APBA2: variants seen among roughly 807,000 people sequenced by gnomAD.
APBA2 encodes the protein amyloid beta precursor protein binding family A member 2.
In APBA2, 30 loss-of-function variants were observed where a neutral mutation model predicts 75.0. The observed-to-expected ratio is 0.40, with a 90% CI of 0.30 to 0.54. The LOEUF (loss-of-function observed/expected upper bound fraction) is 0.54. APBA2 is among the 20% of genes least tolerant of loss of function. The pLI is 0.49. For missense variants in APBA2, 801 were observed against 1,016.1 expected (o/e 0.79, Z 2.88); for synonymous variants, 444 against 409.6 (o/e 1.08, Z -1.01).
rs555399492 is a variant in APBA2 at position 29,102,884 on chromosome 15, C to T, written c.1524+1100C>T. On this transcript the variant is annotated intron_variant, in intron 10 of 14. Transcript: ENST00000683413. ...GGTCCCCATATTGTCATGATCCTGA[C>T]ATACAGCATGGAAACTGAAGACAGG... 2.0e-5 allele frequency: 3 copies of T among 152,314 alleles called. 1 individual carries two copies. In the South Asian group the frequency reaches 6.2e-4, roughly 32 times the overall value. The allele number at this position is 152,314 out of a possible 1,614,324, so 9.4% of individuals were successfully genotyped here. A position where few individuals can be genotyped will look rare whatever the true frequency, so the allele number is the denominator to read the frequency against.
At chr15:28,972,978 G>C (rs1026663110) in intron 2 of APBA2, among the ~76,000 whole-genome samples, 16 of 152,152 alleles carry the variant, frequency 1.1e-4, no homozygotes, top group African/African-American at 3.9e-4. Flanking sequence ...CATTACTTAT[G>C]CTTTAATAAA....
At chr15:28,955,785 G>A (rs1246240286) in intron 2 of APBA2, among the ~76,000 whole-genome samples, 1 of 152,244 alleles carries the variant, frequency 6.6e-6, no homozygotes. Flanking sequence ...GGCCTTGGTG[G>A]GTTCCCTGAG....
rs550724619 is a variant in APBA2 at position 29,018,422 on chromosome 15, C to T, written c.-41+22616C>T. On this transcript the variant is annotated intron_variant, in intron 3 of 14. Transcript: ENST00000683413. Reference sequence around the variant, plus strand: ...TTGCAGATTGGGAGGAATTATATATCCCTACAGAGACTTCAGTGAATGAAG... The same window carrying T: ...TTGCAGATTGGGAGGAATTATATATTCCTACAGAGACTTCAGTGAATGAAG... Among the ~76,000 whole-genome samples the T allele has an allele frequency of 2.0e-5, 3 of 152,294 alleles. 1 individual carries two copies. In the South Asian group the frequency reaches 6.2e-4, roughly 32 times the overall value.
At chr15:29,036,231 A>T (rs534320117) in intron 3 of APBA2, among the ~76,000 whole-genome samples, 39 of 142,118 alleles carry the variant, frequency 2.7e-4, no homozygotes, top group South Asian at 9.0e-4. Context: ...ATATATATAT[A>T]TTTTTTGTCT....
At position 29,054,351 on chromosome 15, in the gene APBA2, G is replaced by A. The variant is rs1566951594; in HGVS notation, c.467G>A (p.Gly156Asp). The change falls in exon 4 of 15, where the codon GGC becomes GAC. Residue 156 changes from glycine (G) to aspartate (D), a missense_variant. Physicochemically the swap from Gly to Asp is moderately conservative, Grantham distance 94 (BLOSUM62 -1). This residue lies in a region of APBA2 where 434 missense variants were observed against 471.6 expected (regional missense o/e 0.92). Transcript: ENST00000683413. This position sits in a 1 kb window ranked among gnomAD's most constrained non-coding sequence, Gnocchi z 6.1. The stretch of plus-strand genomic sequence containing the variant: ...CACCCCCACGGCCACGAGGCTGAAG[G>A]CAGCCAGGACTACCCAGACGGCCAA... ...GPHPHGHEAEGSQDYPDGQLP... is the reference protein window; with the variant it reads ...GPHPHGHEAEDSQDYPDGQLP... 6.2e-7 allele frequency: 1 copy of A among 1,614,082 alleles called. No homozygotes were observed. Among genetic ancestry groups the A allele is most frequent in the Non-Finnish European group, 8.5e-7 (1 of 1,180,036 alleles).
At chr15:28,887,321 GTT>G (rs533256777) in intron 1 of APBA2, among the ~76,000 whole-genome samples, 67 of 152,272 alleles carry the variant, frequency 4.4e-4, no homozygotes, top group African/African-American at 1.3e-3. Context: ...TTTTGTTTTT[GTT>G]TTATTTTTCT....
At chr15:29,078,418 T>C (rs867219307) in intron 6 of APBA2, among the ~76,000 whole-genome samples, 6 of 151,984 alleles carry the variant, frequency 3.9e-5, no homozygotes, top group Admixed American at 3.9e-4. Context: ...CAAGACCAGC[T>C]TGACCAATAT....
intron 2 of APBA2, among the ~76,000 whole-genome samples, chr15:28,930,948 C>A (rs534913481): frequency 6.6e-6 from 1 of 152,350 alleles, no homozygotes; most frequent in African/African-American, 2.4e-5. Context: ...TCCTCCTCTT[C>A]CCCTGTGAGG....
chr15:29,112,449 T>TGCATGTGTGTGTACAC lies in APBA2; in HGVS notation c.2038-1416_2038-1401dup, dbSNP rs1447031356. On this transcript the variant is annotated intron_variant, in intron 13 of 14. Coordinates refer to ENST00000683413, the MANE Select transcript of APBA2 (RefSeq NM_001353788.2). ...AGGCCCCCTCACAGTTGTCTGTGTCTGCATGTGTGTGTACACGCATGTGTG... is the reference window on the plus strand; with the variant it reads ...AGGCCCCCTCACAGTTGTCTGTGTCTGCATGTGTGTGTACACGCATGTGTGTGTACACGCATGTGTG... 6.6e-5 allele frequency among the ~76,000 whole-genome samples: 10 copies of TGCATGTGTGTGTACAC among 152,314 alleles called. No homozygotes were observed. The East Asian group carries it at 1.9e-3, about 29-fold the overall frequency.
At chr15:29,017,389 C>CT (rs996357579) in intron 3 of APBA2, among the ~76,000 whole-genome samples, 2 of 131,518 alleles carry the variant, frequency 1.5e-5, no homozygotes, top group East Asian at 4.5e-4. Flanking sequence ...ATCTTCTTTT[C>CT]TTTCTTTCTT....
At chr15:28,949,215 AAAGC>A (rs950445632) in intron 2 of APBA2, among the ~76,000 whole-genome samples, 3 of 152,052 alleles carry the variant, frequency 2.0e-5, no homozygotes, top group African/African-American at 7.2e-5. Context: ...AACCTTCCGA[AAAGC>A]AAGCCACCCA....
chr15:29,113,773 CAT>C, intron 13 of APBA2, 101 bp from the exon 14 acceptor site: 1 of 1,468,330 alleles, frequency 6.8e-7, no homozygotes, highest in East Asian at 2.3e-5. Context: ...ACGTATTCAT[CAT>C]GTGGCGCTTT....
intron 3 of APBA2, among the ~76,000 whole-genome samples, chr15:29,025,641 G>A (rs1341354087): frequency 2.0e-5 from 3 of 152,104 alleles, no homozygotes; most frequent in East Asian, 3.9e-4. Flanking sequence ...CCAGAGAACC[G>A]CCTTATGTAC....
At chr15:29,029,552 T>C (rs1193578621) in intron 3 of APBA2, among the ~76,000 whole-genome samples, 1 of 152,222 alleles carries the variant, frequency 6.6e-6, no homozygotes, top group African/African-American at 2.4e-5. Flanking sequence ...TGTAGCAGTC[T>C]GGGTCCACTC....
Position 29,107,585 on chromosome 15 carries a change from G to T in APBA2, c.1918-685G>T, listed in dbSNP as rs570797310. Among the ~76,000 whole-genome samples, 39 of 152,316 alleles carry T rather than the reference G, an allele frequency of 2.6e-4. 1 individual carries two copies. The South Asian group carries it at 8.1e-3, about 32-fold the overall frequency. On this transcript the variant is annotated intron_variant, in intron 12 of 14. Transcript: ENST00000683413. ...TCCCATAGACTGGCTCTCGGAGCTG[G>T]CCCGGCAGAGCGTCTGCCCGATGGG... is the stretch of plus-strand genomic sequence containing the variant.
intron 2 of APBA2, among the ~76,000 whole-genome samples, chr15:28,967,578 A>T (rs1348153543): frequency 1.3e-5 from 2 of 152,066 alleles, no homozygotes; most frequent in Non-Finnish European, 1.5e-5. Context: ...AGCTGGGACT[A>T]CAGACACCTG....
chr15:29,104,128 T>G (rs2044280082), intron 10 of APBA2, among the ~76,000 whole-genome samples: 1 of 152,218 alleles, frequency 6.6e-6, no homozygotes, highest in Non-Finnish European at 1.5e-5. Context: ...CATCTGCTGC[T>G]CTTACATCCT....
At chr15:28,932,525 C>T (rs147697943) in intron 2 of APBA2, among the ~76,000 whole-genome samples, 119 of 152,334 alleles carry the variant, frequency 7.8e-4, no homozygotes, top group African/African-American at 2.7e-3. Flanking sequence ...GTAAAAGCAA[C>T]GTCCACAGTG....
chr15:29,080,444 C>T (rs1367527279), intron 6 of APBA2, among the ~76,000 whole-genome samples: 6 of 152,046 alleles, frequency 3.9e-5, no homozygotes, highest in Non-Finnish European at 8.8e-5. Flanking sequence ...CCTTGTCAGG[C>T]GCAGGATCAC....
Sources: gnomAD v4.1 joint callset for allele counts (sites outside exome capture counted in the v4.1 genomes callset) on GRCh38, gnomAD v4.1.1 for gene constraint, gnomAD v4.1.1 regional missense constraint, Gnocchi (gnomAD v3.1) non-coding constraint, MANE v1.5 for transcripts, NCBI Gene and HGNC (gene_info 2026-07-23, HGNC 2026-07-21) for gene names.